The following DSE variants were observed in gnomAD, a reference collection of about 807,000 sequenced individuals.
The protein encoded by DSE is dermatan-sulfate epimerase.
Under a neutral mutation model 84.4 loss-of-function variants are expected in DSE, and 36 were observed. That is an observed-to-expected ratio of 0.43 (90% CI 0.33 to 0.56). The LOEUF (loss-of-function observed/expected upper bound fraction) is 0.56, where lower values mean the gene tolerates loss of function less well. Ranked by LOEUF, DSE falls within the 20% of genes least tolerant of loss-of-function variation. The pLI is 0.06. For missense variants in DSE, 862 were observed against 1,169.6 expected (o/e 0.74, Z 3.84); for synonymous variants, 410 against 430.1 (o/e 0.95, Z 0.58).
chr6:116,331,402 C>T (rs773222793), intron 2 of DSE, among the ~76,000 whole-genome samples: 2 of 152,050 alleles, frequency 1.3e-5, no homozygotes, highest in Non-Finnish European at 2.9e-5. Flanking sequence ...AAGTGCACTG[C>T]GAAGTGGGGA....
upstream of DSE, among the ~76,000 whole-genome samples, chr6:116,370,691 G>A (rs1274445566): frequency 6.6e-6 from 1 of 151,932 alleles, no homozygotes; most frequent in Non-Finnish European, 1.5e-5. Flanking sequence ...TGGAGTCCGG[G>A]CCGGGTGGCG....
intron 2 of DSE, among the ~76,000 whole-genome samples, chr6:116,306,062 A>G (rs989558258): frequency 2.6e-5 from 4 of 152,192 alleles, no homozygotes; most frequent in African/African-American, 9.7e-5. Flanking sequence ...GAGTATGTGT[A>G]TGTGTGTATA....
intron 2 of DSE, among the ~76,000 whole-genome samples, chr6:116,326,317 G>T (rs948718163): frequency 6.6e-6 from 1 of 151,966 alleles, no homozygotes; most frequent in African/African-American, 2.4e-5. Flanking sequence ...AAAATCTGAG[G>T]CAAGGGTTCT....
chr6:116,362,819 T>C (rs1778976972), intron 2 of DSE, among the ~76,000 whole-genome samples: 1 of 152,206 alleles, frequency 6.6e-6, no homozygotes, highest in South Asian at 2.1e-4. Context: ...CATCATTTAT[T>C]TTCCCAAAGT....
At chr6:116,352,740 C>A (rs572224091) in intron 2 of DSE, among the ~76,000 whole-genome samples, 2 of 152,128 alleles carry the variant, frequency 1.3e-5, no homozygotes, top group African/African-American at 4.8e-5. Context: ...CAATAACAGA[C>A]CTGGCAGAGA....
chr6:116,351,957 C>G (rs1027895659), intron 2 of DSE, among the ~76,000 whole-genome samples: 2 of 152,138 alleles, frequency 1.3e-5, no homozygotes, highest in African/African-American at 2.4e-5. Context: ...AACTGCAGTT[C>G]TTCTATCCCA....
chr6:116,301,942 G>A (rs553694508), intron 2 of DSE, among the ~76,000 whole-genome samples: 7 of 152,178 alleles, frequency 4.6e-5, no homozygotes, highest in East Asian at 1.9e-4. Context: ...AGCTTCATCC[G>A]TGTCCCTGCA....
chr6:116,430,238 T>C (rs1783737601), intron 3 of DSE, among the ~76,000 whole-genome samples: 1 of 152,216 alleles, frequency 6.6e-6, no homozygotes, highest in Non-Finnish European at 1.5e-5. Flanking sequence ...GAAAAGCACA[T>C]AAAGGATAAG....
At chr6:116,393,640 C>G (rs955465241) in intron 1 of DSE, among the ~76,000 whole-genome samples, 1 of 152,164 alleles carries the variant, frequency 6.6e-6, no homozygotes, top group Non-Finnish European at 1.5e-5. Context: ...GTCAGTTGAT[C>G]AAAGCTAGGA....
At chr6:116,383,932 T>A (rs1457829734) in intron 1 of DSE, among the ~76,000 whole-genome samples, 1 of 152,076 alleles carries the variant, frequency 6.6e-6, no homozygotes, top group Non-Finnish European at 1.5e-5. Context: ...CCATATTAAG[T>A]TTTTTTTAGC....
At chr6:116,263,237 G>C (rs1772487453) in intron 2 of DSE, among the ~76,000 whole-genome samples, 2 of 152,166 alleles carry the variant, frequency 1.3e-5, no homozygotes, top group Admixed American at 6.5e-5. Context: ...TAATGTGTAG[G>C]AGTCTACGTC....
intron 1 of DSE, chr6:116,256,737 C>CA (rs1235175819): frequency 6.6e-6 from 1 of 151,726 alleles, no homozygotes; most frequent in African/African-American, 2.4e-5. Flanking sequence ...AAAATTTTAC[C>CA]AAAATGAATA....
intron 2 of DSE, among the ~76,000 whole-genome samples, chr6:116,330,228 G>A (rs1395709293): frequency 6.6e-6 from 1 of 152,138 alleles, no homozygotes; most frequent in African/African-American, 2.4e-5. Context: ...AGTCAAAATT[G>A]AATAAATGAA....
intron 1 of DSE, among the ~76,000 whole-genome samples, chr6:116,388,438 A>G (rs1780694495): frequency 6.6e-6 from 1 of 152,220 alleles, no homozygotes; most frequent in African/African-American, 2.4e-5. Context: ...ATGATGTTTG[A>G]CCAAATACTT....
At chr6:116,285,538 G>A (rs985633676) in intron 2 of DSE, among the ~76,000 whole-genome samples, 115 of 152,316 alleles carry the variant, frequency 7.6e-4, no homozygotes, top group African/African-American at 2.1e-3. Flanking sequence ...GATCCCATTT[G>A]TCAGTTTTGG....
chr6:116,305,210 C>T (rs1169113140), intron 2 of DSE, among the ~76,000 whole-genome samples: 1 of 151,940 alleles, frequency 6.6e-6, no homozygotes, highest in Admixed American at 6.6e-5. Context: ...CCTCCCTTCT[C>T]TCCCATCCTC....
At chr6:116,407,609 C>G (rs1392501523) in intron 2 of DSE, among the ~76,000 whole-genome samples, 1 of 152,186 alleles carries the variant, frequency 6.6e-6, no homozygotes, top group Non-Finnish European at 1.5e-5. Context: ...TGTGGCTTCA[C>G]TGCTGCTACT....
chr6:116,371,168 C>A, intron 1 of DSE, 47 bp downstream of exon 1: 2 of 985,658 alleles, frequency 2.0e-6, no homozygotes, highest in Non-Finnish European at 2.4e-6. Context: ...CGCGGCGCAA[C>A]TTTCTTCGGG....
chr6:116,439,549 T>A lies in DSE; in HGVS notation c.*2204T>A, dbSNP rs1562318988. On this transcript the variant is annotated 3_prime_UTR_variant, in exon 6 of 6. Coordinates refer to ENST00000644252, the MANE Select transcript of DSE (RefSeq NM_013352.4). ...TGCTGAAACAAATCACCCCTCTTCA[T>A]AATGAAACATGTTTTTTTTAATCAG... 1 of 151,900 alleles carries A rather than the reference T, an allele frequency of 6.6e-6. No homozygotes were observed. Among genetic ancestry groups the A allele is most frequent in the Non-Finnish European group, 1.5e-5 (1 of 67,932 alleles). 9.4% of individuals were successfully genotyped at this position (151,900 alleles called of 1,614,324 possible). A position where few individuals can be genotyped will look rare whatever the true frequency, so the allele number is the denominator to read the frequency against.
Sources: gnomAD v4.1 joint callset for allele counts (sites outside exome capture counted in the v4.1 genomes callset) on GRCh38, gnomAD v4.1.1 for gene constraint, MANE v1.5 for transcripts, NCBI Gene and HGNC (gene_info 2026-07-23, HGNC 2026-07-21) for gene names.